Variants in MECOM observed in about 807,000 individuals in gnomAD.
The protein encoded by MECOM is MDS1 and EVI1 complex locus.
In MECOM, 13 loss-of-function variants were observed where a neutral mutation model predicts 116.3. The observed-to-expected ratio is 0.11, with a 90% CI of 0.07 to 0.18. The LOEUF (loss-of-function observed/expected upper bound fraction) is 0.18. Ranked by LOEUF, MECOM falls within the 10% of genes least tolerant of loss-of-function variation. The probability of loss-of-function intolerance (pLI) is 1.00; values close to 1 mark genes in which losing one functional copy is unlikely to be tolerated. For synonymous variants in MECOM, 528 were observed against 535.2 expected (o/e 0.99, Z 0.19); for missense variants, 1,299 against 1,509.0 (o/e 0.86, Z 2.31).
chr3:169,273,117 A>G lies in MECOM; in HGVS notation c.375+108070T>C, dbSNP rs57604754. 6.3e-3 allele frequency among the ~76,000 whole-genome samples: 960 copies of G among 152,284 alleles called. 78 individuals carry two copies. In the East Asian group the frequency reaches 0.17, roughly 27 times the overall value. On this transcript the variant is annotated intron_variant, in intron 2 of 16. Coordinates refer to ENST00000651503, the MANE Select transcript of MECOM (RefSeq NM_004991.4). ...ATTCAAGAGGAAGAGGAATGCATGC[A>G]TGAGTTGGTCGTATTTCAGCTGCCC...
chr3:169,396,857 C>T (rs1449371725), intron 1 of MECOM, among the ~76,000 whole-genome samples: 4 of 152,100 alleles, frequency 2.6e-5, no homozygotes, highest in Admixed American at 1.3e-4. Flanking sequence ...CCTGTAATCT[C>T]AGCTACTCAG....
intron 1 of MECOM, among the ~76,000 whole-genome samples, chr3:169,385,104 A>C (rs925960537): frequency 1.2e-4 from 7 of 57,642 alleles, no homozygotes; most frequent in Non-Finnish European, 2.7e-4. Context: ...ACCCTGTCTC[A>C]AAAAAAAAAA....
chr3:169,221,661 G>A lies in MECOM; in HGVS notation c.376-77829C>T, dbSNP rs144295394. Among the ~76,000 whole-genome samples the A allele has an allele frequency of 2.6e-5, 4 of 152,008 alleles. No individual in the cohort carries two copies. The East Asian group carries it at 7.7e-4, about 29-fold the overall frequency. ...TAAGTGATCACTAAGAATTCATCTGGCTGTCAAATCTCACAACTTTTGGCT... is the reference window on the plus strand; with the variant it reads ...TAAGTGATCACTAAGAATTCATCTGACTGTCAAATCTCACAACTTTTGGCT... On this transcript the variant is annotated intron_variant, in intron 2 of 16. Transcript: ENST00000651503.
chr3:169,086,619 A>G (rs1038236706), intron 16 of MECOM: 1 of 700,308 alleles, frequency 1.4e-6, no homozygotes, highest in Non-Finnish European at 2.6e-6. Context: ...TTGTGGAGGA[A>G]TCACATGCAC....
At chr3:169,469,738 TA>T (rs1578185833) in intron 1 of MECOM, among the ~76,000 whole-genome samples, 1 of 152,188 alleles carries the variant, frequency 6.6e-6, no homozygotes, top group Non-Finnish European at 1.5e-5. Context: ...AAATATGAAA[TA>T]GACAAAGTGG....
intron 1 of MECOM, among the ~76,000 whole-genome samples, chr3:169,387,547 T>C (rs1026785165): frequency 6.6e-6 from 1 of 152,230 alleles, no homozygotes; most frequent in African/African-American, 2.4e-5. Context: ...AATTTTTCTC[T>C]CTACTCTTCA....
intron 3 of MECOM, among the ~76,000 whole-genome samples, chr3:169,132,384 G>A (rs1735006143): frequency 6.6e-6 from 1 of 151,866 alleles, no homozygotes; most frequent in Non-Finnish European, 1.5e-5. Flanking sequence ...CAACTTACCT[G>A]TCCAGGGACC....
intron 1 of MECOM, among the ~76,000 whole-genome samples, chr3:169,631,597 G>T (rs1302366667): frequency 2.1e-5 from 3 of 142,682 alleles, no homozygotes; most frequent in Non-Finnish European, 4.6e-5. Flanking sequence ...ATCTCCTAAA[G>T]CTATCCCTCC....
chr3:169,560,696 GA>G (rs1291337296), intron 1 of MECOM, among the ~76,000 whole-genome samples: 1 of 151,938 alleles, frequency 6.6e-6, no homozygotes, highest in Non-Finnish European at 1.5e-5. Flanking sequence ...AAGCCATACA[GA>G]AGCATCAAAA....
At chr3:169,341,594 G>A (rs1724539082) in intron 2 of MECOM, among the ~76,000 whole-genome samples, 1 of 151,884 alleles carries the variant, frequency 6.6e-6, no homozygotes, top group South Asian at 2.1e-4. Flanking sequence ...ACAAAAATTA[G>A]CTGGGCTTGG....
intron 1 of MECOM, among the ~76,000 whole-genome samples, chr3:169,588,916 G>A (rs16854133): frequency 0.015 from 2,254 of 151,892 alleles, 44 homozygotes; most frequent in African/African-American, 0.052. Flanking sequence ...CATCTCCTAC[G>A]GAAAAGTAAA....
At chr3:169,415,043 A>T (rs1738306418) in intron 1 of MECOM, among the ~76,000 whole-genome samples, 1 of 152,180 alleles carries the variant, frequency 6.6e-6, no homozygotes, top group African/African-American at 2.4e-5. Context: ...CAACACAAAG[A>T]TACTCCTTCA....
intron 1 of MECOM, among the ~76,000 whole-genome samples, chr3:169,519,500 C>G (rs185988203): frequency 1.2e-3 from 177 of 152,306 alleles, no homozygotes; most frequent in African/African-American, 4.0e-3. Context: ...TCTTCAATGT[C>G]AGGAATACAA....
chr3:169,264,407 A>G (rs1758009343), intron 2 of MECOM, among the ~76,000 whole-genome samples: 1 of 151,966 alleles, frequency 6.6e-6, no homozygotes, highest in Non-Finnish European at 1.5e-5. Flanking sequence ...CTTTGTTTTT[A>G]TTGTATCGGT....
chr3:169,149,609 C>T, intron 2 of MECOM: 1 of 445,166 alleles, frequency 2.2e-6, no homozygotes, highest in Non-Finnish European at 4.6e-6. Context: ...CGCCGTTCCG[C>T]GTCCTTCCGA....
chr3:169,392,810 T>A (rs1296765711), intron 1 of MECOM, among the ~76,000 whole-genome samples: 1 of 152,218 alleles, frequency 6.6e-6, no homozygotes, highest in African/African-American at 2.4e-5. Flanking sequence ...TTATTTTGAT[T>A]ATTGGTGGAA....
chr3:169,095,550 T>C (rs148862481), intron 12 of MECOM, among the ~76,000 whole-genome samples: 6 of 152,328 alleles, frequency 3.9e-5, no homozygotes, highest in Non-Finnish European at 8.8e-5. Context: ...AACAGTAGCA[T>C]TGTTTTATCT....
At chr3:169,110,216 T>A (rs1726891081) in intron 9 of MECOM, among the ~76,000 whole-genome samples, 2 of 152,122 alleles carry the variant, frequency 1.3e-5, no homozygotes, top group Admixed American at 6.5e-5. Flanking sequence ...TGCAGTGAGG[T>A]CATGCCAAGA....
chr3:169,265,815 C>T (rs557752729), intron 2 of MECOM, among the ~76,000 whole-genome samples: 17 of 152,334 alleles, frequency 1.1e-4, no homozygotes, highest in South Asian at 4.1e-4. Context: ...CCTTTCCCTT[C>T]GCTAGGACCT....
Sources: allele counts gnomAD v4.1 joint callset (sites outside exome capture counted in the v4.1 genomes callset), GRCh38; gene constraint gnomAD v4.1.1; transcripts MANE v1.5; gene names NCBI Gene and HGNC (gene_info 2026-07-23, HGNC 2026-07-21).